PTPRN2: variants seen among roughly 807,000 people sequenced by gnomAD.
The protein encoded by PTPRN2 is protein tyrosine phosphatase receptor type N2.
In PTPRN2, 74 loss-of-function variants were observed where a neutral mutation model predicts 118.8. The ratio of observed to expected loss-of-function variants is 0.62; its 90% CI spans 0.52 to 0.76. The LOEUF is 0.76. Among genes scored for constraint, PTPRN2 ranks in the 30% least tolerant of loss-of-function variants. The probability of loss-of-function intolerance (pLI) is 0.00; values close to 1 mark genes in which losing one functional copy is unlikely to be tolerated. For missense variants in PTPRN2, 1,481 were observed against 1,394.4 expected (o/e 1.06, Z -0.99); for synonymous variants, 641 against 608.0 (o/e 1.05, Z -0.80).
At chr7:157,957,519 T>G (rs776424506) in intron 11 of PTPRN2, among the ~76,000 whole-genome samples, 1 of 152,140 alleles carries the variant, frequency 6.6e-6, no homozygotes, top group African/African-American at 2.4e-5. Context: ...CAATTAATAC[T>G]TTTAAATAGT....
intron 2 of PTPRN2, among the ~76,000 whole-genome samples, chr7:158,398,438 G>A (rs1019494202): frequency 1.3e-5 from 2 of 152,210 alleles, no homozygotes; most frequent in Non-Finnish European, 2.9e-5. Context: ...GGGGCTCGGT[G>A]AGTGTCTTCT....
intron 6 of PTPRN2, among the ~76,000 whole-genome samples, chr7:158,141,092 CG>C: frequency 6.6e-6 from 1 of 152,202 alleles, no homozygotes; most frequent in Middle Eastern, 3.4e-3. Flanking sequence ...GGTCTCACCA[CG>C]ACCCTCCACC....
intron 2 of PTPRN2, among the ~76,000 whole-genome samples, chr7:158,379,013 G>A (rs1362528113): frequency 1.3e-5 from 2 of 152,120 alleles, no homozygotes; most frequent in African/African-American, 4.8e-5. Flanking sequence ...TCTCAGAGCT[G>A]TGGAGGGGAA....
intron 11 of PTPRN2, among the ~76,000 whole-genome samples, chr7:158,059,237 C>T: frequency 7.5e-6 from 1 of 133,856 alleles, no homozygotes; most frequent in Non-Finnish European, 1.5e-5. Flanking sequence ...AGCCACACTC[C>T]ATCTGCCCAC....
At chr7:158,330,104 C>A (rs867591859) in intron 2 of PTPRN2, among the ~76,000 whole-genome samples, 142 of 126,772 alleles carry the variant, frequency 1.1e-3, no homozygotes, top group Middle Eastern at 5.1e-3. Flanking sequence ...CACTCACACC[C>A]ACACTCTCAC....
At chr7:157,815,540 C>A (rs1806341236) in intron 12 of PTPRN2, among the ~76,000 whole-genome samples, 1 of 152,160 alleles carries the variant, frequency 6.6e-6, no homozygotes, top group African/African-American at 2.4e-5. Context: ...TGTGCTGGGA[C>A]CTTGTTTGGA....
chr7:157,577,005 T>C (rs1319680745), intron 18 of PTPRN2, among the ~76,000 whole-genome samples: 1 of 152,226 alleles, frequency 6.6e-6, no homozygotes, highest in African/African-American at 2.4e-5. Flanking sequence ...CTTAGTGTTA[T>C]TTAGGGGCTT....
rs145656570 is a variant in PTPRN2 at position 158,549,755 on chromosome 7, C to T, written c.112+37803G>A. The stretch of plus-strand genomic sequence containing the variant: ...ATGGCTTCGGAAAACCCCGTGAGAA[C>T]ACCGATTCACTCCTCCTGTGAGATG... On this transcript the variant is annotated intron_variant, in intron 1 of 22. Coordinates refer to ENST00000389418, the MANE Select transcript of PTPRN2 (RefSeq NM_002847.5). Among the ~76,000 whole-genome samples, 46 of 152,388 alleles carry T rather than the reference C, an allele frequency of 3.0e-4. No individual in the cohort carries two copies. In the East Asian group the frequency reaches 8.9e-3, roughly 29 times the overall value.
At chr7:157,984,295 C>G (rs1803562300) in intron 11 of PTPRN2, among the ~76,000 whole-genome samples, 3 of 136,700 alleles carry the variant, frequency 2.2e-5, no homozygotes, top group Non-Finnish European at 4.7e-5. Flanking sequence ...CACCCCATCC[C>G]ACGCCAGGCT....
At chr7:157,945,637 C>T (rs1162840379) in intron 11 of PTPRN2, among the ~76,000 whole-genome samples, 4 of 151,774 alleles carry the variant, frequency 2.6e-5, no homozygotes, top group Admixed American at 6.6e-5. Context: ...TGGACGATGC[C>T]GCCTCCAAGT....
chr7:158,157,274 C>G (rs1821911428), intron 6 of PTPRN2, among the ~76,000 whole-genome samples: 1 of 152,210 alleles, frequency 6.6e-6, no homozygotes, highest in African/African-American at 2.4e-5. Context: ...AGTGAGGTGC[C>G]TTTAGGTGCC....
At chr7:157,796,853 C>G (rs1295702974) in intron 12 of PTPRN2, among the ~76,000 whole-genome samples, 1 of 152,158 alleles carries the variant, frequency 6.6e-6, no homozygotes, top group Non-Finnish European at 1.5e-5. Flanking sequence ...GAGGGTGGTG[C>G]AAAACCATTC....
At chr7:157,584,499 A>T (rs1038061918) in intron 17 of PTPRN2, among the ~76,000 whole-genome samples, 1 of 152,244 alleles carries the variant, frequency 6.6e-6, no homozygotes, top group Non-Finnish European at 1.5e-5. Flanking sequence ...GACTTGCTTA[A>T]ATGTACAGAC....
chr7:158,122,466 C>T (rs555566959), intron 9 of PTPRN2, among the ~76,000 whole-genome samples: 11 of 152,106 alleles, frequency 7.2e-5, no homozygotes, highest in South Asian at 4.1e-4. Flanking sequence ...CACATCACCC[C>T]GAAATGAGTG....
intron 4 of PTPRN2, among the ~76,000 whole-genome samples, chr7:158,197,579 C>T (rs1373513928): frequency 6.6e-6 from 1 of 152,164 alleles, no homozygotes; most frequent in Non-Finnish European, 1.5e-5. Flanking sequence ...TTTGTTCCCA[C>T]ACTGCTCATA....
intron 11 of PTPRN2, among the ~76,000 whole-genome samples, chr7:157,902,411 C>G: frequency 7.2e-6 from 1 of 138,668 alleles, no homozygotes; most frequent in Non-Finnish European, 1.6e-5. Context: ...ACGTGGGGAC[C>G]AGCCCCGCGG....
chr7:157,563,912 C>T (rs560084512), intron 21 of PTPRN2, among the ~76,000 whole-genome samples: 1 of 152,004 alleles, frequency 6.6e-6, no homozygotes, highest in Non-Finnish European at 1.5e-5. Context: ...CCACACCACA[C>T]ACAGCAGATC....
Position 157,758,661 on chromosome 7 carries a change from C to T in PTPRN2, c.1789-75724G>A, listed in dbSNP as rs568306426. On this transcript the variant is annotated intron_variant, in intron 12 of 22. Transcript: ENST00000389418. ...CGGGACTGGCATGTCTCCTGCATCC[C>T]GCGGTGTCCTTGCTTTGTGTCCAGG... is the stretch of plus-strand genomic sequence containing the variant. Among the ~76,000 whole-genome samples the T allele has an allele frequency of 2.9e-3, 436 of 152,312 alleles. 4 individuals carry two copies. The highest frequency in any genetic ancestry group is 0.01 in the African/African-American group (422 of 41,576).
rs751198924 is a variant in PTPRN2 at position 157,745,558 on chromosome 7, TC to T, written c.1789-62622del. ...GACAATGCTCACCTCTCTTCTCCCCTCCATTTGCACCTCAGTCCTGATATTT... is the reference window on the plus strand; with the variant it reads ...GACAATGCTCACCTCTCTTCTCCCCTCATTTGCACCTCAGTCCTGATATTT... On this transcript the variant is annotated intron_variant, in intron 12 of 22. Coordinates refer to ENST00000389418, the MANE Select transcript of PTPRN2 (RefSeq NM_002847.5). 1.2e-3 allele frequency among the ~76,000 whole-genome samples: 180 copies of T among 152,090 alleles called. 1 individual carries two copies. Among genetic ancestry groups the T allele is most frequent in the Non-Finnish European group, 2.0e-3 (137 of 67,960 alleles).
Sources: gnomAD v4.1 joint callset for allele counts (sites outside exome capture counted in the v4.1 genomes callset) on GRCh38, gnomAD v4.1.1 for gene constraint, MANE v1.5 for transcripts, NCBI Gene and HGNC (gene_info 2026-07-23, HGNC 2026-07-21) for gene names.